The following TBC1D19 variants were observed in gnomAD, a reference collection of about 807,000 sequenced individuals.
TBC1D19 encodes the protein TBC1 domain family, member 19.
In TBC1D19, 60 loss-of-function variants were observed where a neutral mutation model predicts 89.0. The ratio of observed to expected loss-of-function variants is 0.67; its 90% CI spans 0.55 to 0.84. TBC1D19 has a LOEUF of 0.84. Ranked by LOEUF, TBC1D19 falls within the 40% of genes least tolerant of loss-of-function variation. TBC1D19 has a pLI of 0.00. For missense variants in TBC1D19, 500 were observed against 610.8 expected (o/e 0.82, Z 1.91); for synonymous variants, 189 against 199.7 (o/e 0.95, Z 0.45).
chr4:26,589,694 A>G (rs1386380896), intron 1 of TBC1D19, among the ~76,000 whole-genome samples: 2 of 152,080 alleles, frequency 1.3e-5, no homozygotes, highest in Non-Finnish European at 2.9e-5. Flanking sequence ...TTGTTGTAGG[A>G]TCCTGGGCCC....
At chr4:26,858,640 T>C in the TBC1D19 span, 1 of 152,288 alleles carries the variant, frequency 6.6e-6, no homozygotes, top group African/African-American at 2.4e-5. Context: ...CAGTGACACG[T>C]ACCTCTCTCT....
At chr4:26,744,040 A>G (rs1409329131) in intron 18 of TBC1D19, among the ~76,000 whole-genome samples, 1 of 151,654 alleles carries the variant, frequency 6.6e-6, no homozygotes, top group Non-Finnish European at 1.5e-5. Flanking sequence ...AGCTTTTGGA[A>G]GGTTTTTTAA....
At chr4:26,637,148 A>T in intron 4 of TBC1D19, 63 bp from the exon 5 acceptor site, 1 of 1,176,640 alleles carries the variant, frequency 8.5e-7, no homozygotes, top group Non-Finnish European at 1.2e-6. Context: ...TAATATCTTT[A>T]ATTTTTTTAT....
intron 13 of TBC1D19, among the ~76,000 whole-genome samples, chr4:26,715,383 C>G (rs999606494): frequency 6.6e-6 from 1 of 152,040 alleles, no homozygotes; most frequent in Non-Finnish European, 1.5e-5. Flanking sequence ...CCTGCCGTCA[C>G]AGTGTATTTA....
At chr4:26,588,875 G>C (rs183743283) in intron 1 of TBC1D19, among the ~76,000 whole-genome samples, 1 of 152,148 alleles carries the variant, frequency 6.6e-6, no homozygotes, top group Non-Finnish European at 1.5e-5. Context: ...TGTCAATTAG[G>C]TCTAGTAGGC....
At chr4:26,696,015 C>T (rs1714744618) in intron 13 of TBC1D19, among the ~76,000 whole-genome samples, 1 of 152,148 alleles carries the variant, frequency 6.6e-6, no homozygotes, top group African/African-American at 2.4e-5. Context: ...ACAATATTAA[C>T]CTTAAATGTC....
At chr4:26,673,997 C>T (rs1309872886) in intron 11 of TBC1D19, 109 bp downstream of exon 11, 3 of 563,218 alleles carry the variant, frequency 5.3e-6, no homozygotes, top group African/African-American at 3.9e-5. Context: ...ATTATTAACC[C>T]CCTTTTTAAA....
chr4:26,781,077 G>A, the TBC1D19 span, among the ~76,000 whole-genome samples: 4 of 152,240 alleles, frequency 2.6e-5, no homozygotes, highest in African/African-American at 4.8e-5. Flanking sequence ...GTGGTCCCTG[G>A]GAAGCAGCAT....
intron 4 of TBC1D19, 99 bp downstream of exon 4, chr4:26,620,787 T>C (rs1407795629): frequency 1.9e-6 from 2 of 1,041,764 alleles, no homozygotes; most frequent in Non-Finnish European, 2.8e-6. Flanking sequence ...TTATTAATTA[T>C]GAAATACTGG....
the TBC1D19 span, among the ~76,000 whole-genome samples, chr4:26,853,209 C>G: frequency 1.3e-5 from 2 of 152,198 alleles, no homozygotes; most frequent in African/African-American, 4.8e-5. Context: ...CTAGATCGAT[C>G]TCACTGGTAT....
chr4:26,613,256 C>A lies in TBC1D19; in HGVS notation c.172+15C>A. 1.4e-6 allele frequency: 2 copies of A among 1,476,774 alleles called. No homozygotes were observed. The highest frequency in any genetic ancestry group is 1.8e-6 in the Non-Finnish European group (2 of 1,083,382). 91.5% of individuals were successfully genotyped at this position (1,476,774 alleles called of 1,614,324 possible). On this transcript the variant is annotated intron_variant, in intron 2 of 20. Transcript: ENST00000264866. ...TAAAATATCAGGTTTGTAAGTTTTT[C>A]CTAATAACTTAAGGCAAAATAAGAA...
the TBC1D19 span, among the ~76,000 whole-genome samples, chr4:26,770,078 A>G: frequency 6.6e-6 from 1 of 152,068 alleles, no homozygotes; most frequent in Admixed American, 6.6e-5. Flanking sequence ...AAAAAAAACA[A>G]CATGGTAGAT....
At chr4:26,681,456 C>T (rs2109136309) in intron 11 of TBC1D19, among the ~76,000 whole-genome samples, 1 of 151,976 alleles carries the variant, frequency 6.6e-6, no homozygotes, top group Non-Finnish European at 1.5e-5. Context: ...GAGGCTGGAG[C>T]AGGAGAATGG....
the TBC1D19 span, among the ~76,000 whole-genome samples, chr4:26,762,961 A>G: frequency 5.9e-5 from 9 of 152,166 alleles, no homozygotes; most frequent in African/African-American, 2.2e-4. Context: ...ACTGTAAGAT[A>G]ATAATGTTGT....
chr4:26,786,796 G>GATGGATAGATGT, the TBC1D19 span, among the ~76,000 whole-genome samples: 1 of 147,818 alleles, frequency 6.8e-6, no homozygotes, highest in Non-Finnish European at 1.5e-5. Context: ...TGGATGGATG[G>GATGGATAGATGT]GTGGGTGGAA....
intron 7 of TBC1D19, among the ~76,000 whole-genome samples, chr4:26,653,087 C>T (rs748087763): frequency 6.6e-5 from 10 of 152,102 alleles, no homozygotes; most frequent in Non-Finnish European, 1.2e-4. Flanking sequence ...TCATTGGTTT[C>T]AAAGAACATC....
At chr4:26,701,828 A>G (rs1364357443) in intron 13 of TBC1D19, among the ~76,000 whole-genome samples, 1 of 152,194 alleles carries the variant, frequency 6.6e-6, no homozygotes, top group Admixed American at 6.6e-5. Flanking sequence ...TTCTTATGCC[A>G]TTTTGATCCA....
At chr4:26,600,554 G>T (rs1740521104) in intron 1 of TBC1D19, among the ~76,000 whole-genome samples, 1 of 152,174 alleles carries the variant, frequency 6.6e-6, no homozygotes, top group African/African-American at 2.4e-5. Context: ...TGAAATAAAA[G>T]GTGGAAAATT....
the TBC1D19 span, among the ~76,000 whole-genome samples, chr4:26,823,887 C>T: frequency 4.5e-4 from 69 of 152,276 alleles, 1 homozygote; most frequent in Middle Eastern, 0.01. Flanking sequence ...TGCAGGATTC[C>T]TCCCCTCTTC....
Sources: gnomAD v4.1 joint callset for allele counts (sites outside exome capture counted in the v4.1 genomes callset) on GRCh38, gnomAD v4.1.1 for gene constraint, MANE v1.5 for transcripts, NCBI Gene and HGNC (gene_info 2026-07-23, HGNC 2026-07-21) for gene names.